PACRG: variants seen among roughly 807,000 people sequenced by gnomAD.
PACRG encodes the protein parkin coregulated gene protein.
PACRG carries 29 observed loss-of-function variants against 29.7 expected under a neutral mutation model. The observed-to-expected ratio is 0.98, with a 90% CI of 0.73 to 1.33. PACRG has a LOEUF of 1.33. Ranked by LOEUF, PACRG falls within the 40% of genes most tolerant of loss-of-function variation. The pLI is 0.00. For missense variants in PACRG, 279 were observed against 316.2 expected, an observed-to-expected ratio of 0.88 and a Z score of 0.89; for synonymous variants, 116 against 118.7, an observed-to-expected ratio of 0.98 and a Z score of 0.15.
intron 2 of PACRG, among the ~76,000 whole-genome samples, chr6:162,955,456 C>T (rs1799947710): frequency 6.6e-6 from 1 of 152,040 alleles, no homozygotes; most frequent in African/African-American, 2.4e-5. Flanking sequence ...CCTGCCACCA[C>T]ACCCGGCTAA....
chr6:162,871,420 A>G (rs1441009851), intron 2 of PACRG, among the ~76,000 whole-genome samples: 1 of 152,178 alleles, frequency 6.6e-6, no homozygotes, highest in African/African-American at 2.4e-5. Flanking sequence ...ACTGAAGAAC[A>G]TTGTTTAGCA....
chr6:162,728,422 G>A, intron 1 of PACRG, 31 bp downstream of exon 1: 1 of 1,601,962 alleles, frequency 6.2e-7, no homozygotes, highest in South Asian at 1.1e-5. Flanking sequence ...AAATGCACTC[G>A]CTCTGAATCA....
chr6:162,778,674 C>G (rs1450280124), intron 1 of PACRG, among the ~76,000 whole-genome samples: 1 of 152,068 alleles, frequency 6.6e-6, no homozygotes, highest in Non-Finnish European at 1.5e-5. Context: ...ATTAACTTTC[C>G]CCAACAAAAA....
chr6:163,105,962 CTT>C lies in PACRG; in HGVS notation c.613+16555_613+16556del, dbSNP rs1186134977. ...GACTTGTTAATTTGTAGATTATTGA[CTT>C]ATTAATTTGTTTCAAGTTCTTTTGT... On this transcript the variant is annotated intron_variant, in intron 4 of 4. Coordinates refer to ENST00000366888, the MANE Select transcript of PACRG (RefSeq NM_001080379.2). Among the ~76,000 whole-genome samples, 3 of 152,108 alleles carry C rather than the reference CTT, an allele frequency of 2.0e-5. No individual in the cohort carries two copies. The South Asian group carries it at 6.2e-4, about 32-fold the overall frequency.
chr6:163,124,431 GTCT>G (rs1816433439), intron 4 of PACRG, among the ~76,000 whole-genome samples: 1 of 152,134 alleles, frequency 6.6e-6, no homozygotes, highest in South Asian at 2.1e-4. Context: ...TGTCTACTGG[GTCT>G]TAAGTTGAAT....
At chr6:163,307,549 T>A (rs1324704254) in intron 4 of PACRG, among the ~76,000 whole-genome samples, 1 of 152,200 alleles carries the variant, frequency 6.6e-6, no homozygotes. Flanking sequence ...ACTTTGGAAA[T>A]ATCCATTGTA....
chr6:162,953,219 C>T (rs190796009), intron 2 of PACRG, among the ~76,000 whole-genome samples: 39 of 152,092 alleles, frequency 2.6e-4, no homozygotes, highest in African/African-American at 3.9e-4. Context: ...TCTGTAGTCA[C>T]GGTAGTTAAG....
chr6:163,211,385 A>G (rs1211457171), intron 4 of PACRG, among the ~76,000 whole-genome samples: 1 of 152,246 alleles, frequency 6.6e-6, no homozygotes, highest in Non-Finnish European at 1.5e-5. Context: ...GCTGAGGTCA[A>G]TTTAAATAAT....
rs181364724 is a variant in PACRG at position 162,970,362 on chromosome 6, T to A, written c.292-91788T>A. Among the ~76,000 whole-genome samples, 7 of 152,246 alleles carry A rather than the reference T, an allele frequency of 4.6e-5. No individual in the cohort carries two copies. In the East Asian group the frequency reaches 1.4e-3, roughly 29 times the overall value. ...CGATTTCGGAGCTGCTGTGGGAATA[T>A]ACTTAGGTTCTACTGGAGAGCTCAT... is the stretch of plus-strand genomic sequence containing the variant. On this transcript the variant is annotated intron_variant, in intron 2 of 4. Coordinates refer to ENST00000366888, the MANE Select transcript of PACRG (RefSeq NM_001080379.2).
At chr6:163,132,074 A>G (rs35769536) in intron 4 of PACRG, among the ~76,000 whole-genome samples, 22,350 of 152,192 alleles carry the variant, frequency 0.15, 1,621 homozygotes, top group Middle Eastern at 0.16. Context: ...TAAGTAATAC[A>G]TTCATTATAA....
intron 2 of PACRG, among the ~76,000 whole-genome samples, chr6:162,824,589 A>G: frequency 6.6e-6 from 1 of 152,318 alleles, no homozygotes; most frequent in Admixed American, 6.5e-5. Flanking sequence ...ATTCGTGTCA[A>G]GATGCTATTT....
intron 2 of PACRG, among the ~76,000 whole-genome samples, chr6:162,875,141 G>A (rs111064662): frequency 4.0e-4 from 59 of 148,392 alleles, no homozygotes; most frequent in Non-Finnish European, 7.7e-4. Context: ...ACATTCACAC[G>A]CAGACATTCA....
intron 4 of PACRG, among the ~76,000 whole-genome samples, chr6:163,154,968 G>A (rs1383856144): frequency 1.4e-5 from 2 of 146,612 alleles, no homozygotes; most frequent in African/African-American, 2.5e-5. Flanking sequence ...AAAATTAAAT[G>A]TGGAAAAAAA....
chr6:163,266,803 C>A (rs1053579886), intron 4 of PACRG, among the ~76,000 whole-genome samples: 9 of 152,114 alleles, frequency 5.9e-5, no homozygotes, highest in African/African-American at 2.2e-4. Flanking sequence ...GGCTGATATC[C>A]CAGCCGTCAA....
intron 2 of PACRG, among the ~76,000 whole-genome samples, chr6:162,821,639 C>T (rs113678742): frequency 4.6e-5 from 7 of 152,038 alleles, no homozygotes; most frequent in African/African-American, 1.4e-4. Flanking sequence ...TAAATGTTGA[C>T]GTTGTAGAAG....
chr6:162,939,329 T>G (rs1483548370), intron 2 of PACRG, among the ~76,000 whole-genome samples: 2 of 152,132 alleles, frequency 1.3e-5, no homozygotes, highest in African/African-American at 2.4e-5. Flanking sequence ...AAAACCCTTC[T>G]GACATTGACC....
intron 4 of PACRG, among the ~76,000 whole-genome samples, chr6:163,302,606 T>C (rs1441597854): frequency 6.6e-6 from 1 of 152,242 alleles, no homozygotes; most frequent in African/African-American, 2.4e-5. Context: ...GTTCATTTGA[T>C]GAGATATTCC....
intron 4 of PACRG, among the ~76,000 whole-genome samples, chr6:163,267,771 T>C (rs1403638272): frequency 2.0e-5 from 3 of 152,256 alleles, no homozygotes; most frequent in Non-Finnish European, 4.4e-5. Flanking sequence ...AAAGGCTTAC[T>C]AAGCAAGGAA....
At chr6:162,781,282 AT>A (rs1245033205) in intron 1 of PACRG, among the ~76,000 whole-genome samples, 1 of 151,996 alleles carries the variant, frequency 6.6e-6, no homozygotes, top group Non-Finnish European at 1.5e-5. Context: ...CTGAAGAAAT[AT>A]TTTTTTAAAT....
Sources: allele counts gnomAD v4.1 joint callset (sites outside exome capture counted in the v4.1 genomes callset), GRCh38; gene constraint gnomAD v4.1.1; transcripts MANE v1.5; gene names NCBI Gene and HGNC (gene_info 2026-07-23, HGNC 2026-07-21).